A1CF: variants seen among roughly 807,000 people sequenced by gnomAD.
A1CF encodes APOBEC-1 stimulating protein.
In A1CF, 48 loss-of-function variants were observed where a neutral mutation model predicts 68.9. The ratio of observed to expected loss-of-function variants is 0.70; its 90% CI spans 0.55 to 0.89. The LOEUF (loss-of-function observed/expected upper bound fraction) is 0.89. A1CF is among the 40% of genes least tolerant of loss of function. A1CF has a pLI of 0.00. For synonymous variants in A1CF, 272 were observed against 260.4 expected (o/e 1.04, Z -0.43); for missense variants, 653 against 718.9 (o/e 0.91, Z 1.05).
At chr10:50,867,339 C>T (rs1841040984) in intron 1 of A1CF, among the ~76,000 whole-genome samples, 1 of 151,784 alleles carries the variant, frequency 6.6e-6, no homozygotes, top group Admixed American at 6.6e-5. Context: ...GAATTTTATT[C>T]AGCCATGAAA....
At chr10:50,816,922 C>T (rs1478964525) in intron 8 of A1CF, among the ~76,000 whole-genome samples, 1 of 152,092 alleles carries the variant, frequency 6.6e-6, no homozygotes, top group African/African-American at 2.4e-5. Flanking sequence ...TGTGAAGCCA[C>T]CTTTTGATCT....
At chr10:50,820,400 C>T in intron 8 of A1CF, 152 bp downstream of exon 8, 1 of 528,760 alleles carries the variant, frequency 1.9e-6, no homozygotes, top group Non-Finnish European at 3.2e-6. Context: ...TTGTATTTTC[C>T]ATCATTTCTC....
At chr10:50,826,148 A>G (rs2132382949) in intron 7 of A1CF, among the ~76,000 whole-genome samples, 1 of 152,278 alleles carries the variant, frequency 6.6e-6, no homozygotes, top group South Asian at 2.1e-4. Flanking sequence ...AGGCCCAGAG[A>G]TTAAATGTCT....
intron 1 of A1CF, among the ~76,000 whole-genome samples, chr10:50,882,166 G>A (rs184080195): frequency 7.8e-4 from 119 of 152,286 alleles, no homozygotes; most frequent in African/African-American, 2.6e-3. Flanking sequence ...GACCGGGCAT[G>A]TTGGCTCATG....
chr10:50,825,351 G>A (rs893799699), intron 7 of A1CF, among the ~76,000 whole-genome samples: 1 of 152,086 alleles, frequency 6.6e-6, no homozygotes, highest in South Asian at 2.1e-4. Context: ...TAAAGACACA[G>A]TAATCCCACA....
intron 7 of A1CF, among the ~76,000 whole-genome samples, chr10:50,826,838 A>G (rs1324754546): frequency 6.6e-6 from 1 of 152,178 alleles, no homozygotes; most frequent in Non-Finnish European, 1.5e-5. Flanking sequence ...ACAGACTGGC[A>G]AATTGGATAA....
chr10:50,822,743 T>G (rs892640965), intron 7 of A1CF: 3 of 152,210 alleles, frequency 2.0e-5, no homozygotes, highest in African/African-American at 7.2e-5. Flanking sequence ...CTTCATTCCT[T>G]TCAGTGTCAC....
chr10:50,809,786 G>C (rs1392476100), intron 12 of A1CF, 108 bp downstream of exon 12: 1 of 1,491,380 alleles, frequency 6.7e-7, no homozygotes, highest in Non-Finnish European at 9.0e-7. Flanking sequence ...GTGCAAGTCA[G>C]ATTGCTGTAA....
At position 50,856,639 on chromosome 10, in the gene A1CF, T is replaced by C. The variant is rs920693382; in HGVS notation, c.99+3203A>G. ...ATTTTGGCCAATAACAACAGAATCT[T>C]AATCTCACAAGTTATCTAAACTGTC... On this transcript the variant is annotated intron_variant, in intron 3 of 12. Coordinates refer to ENST00000373997, the MANE Select transcript of A1CF (RefSeq NM_014576.4). Among the ~76,000 whole-genome samples the C allele has an allele frequency of 2.6e-5, 4 of 152,130 alleles. No individual in the cohort carries two copies. In the South Asian group the frequency reaches 8.3e-4, roughly 31 times the overall value.
intron 6 of A1CF, among the ~76,000 whole-genome samples, chr10:50,829,072 C>T (rs1839110637): frequency 6.6e-6 from 1 of 151,988 alleles, no homozygotes; most frequent in African/African-American, 2.4e-5. Flanking sequence ...TGTACTGTAC[C>T]ATCTGTTTCC....
rs1841970364 is a variant in A1CF at position 50,885,614 on chromosome 10, G to A, written c.-127C>T. On this transcript the variant is annotated 5_prime_UTR_variant, in exon 1 of 13. Coordinates refer to ENST00000373997, the MANE Select transcript of A1CF (RefSeq NM_014576.4). The stretch of plus-strand genomic sequence containing the variant: ...TTTCAGAGATCCCCACCCGGAAAAG[G>A]TTTCCTTGATTATGGCGAATTCAAC... 6.6e-6 allele frequency: 1 copy of A among 152,194 alleles called. No homozygotes were observed. The highest frequency in any genetic ancestry group is 1.5e-5 in the Non-Finnish European group (1 of 68,034). The allele number at this position is 152,194 out of a possible 1,614,324, so 9.4% of individuals were successfully genotyped here.
chr10:50,874,355 T>G (rs1322870520), intron 1 of A1CF, among the ~76,000 whole-genome samples: 1 of 152,246 alleles, frequency 6.6e-6, no homozygotes, highest in East Asian at 1.9e-4. Flanking sequence ...TTTAGCATAT[T>G]CTCATAAAGT....
At position 50,820,585 on chromosome 10, in the gene A1CF, A is replaced by C. The variant is rs778482448; in HGVS notation, c.834T>G (p.Asp278Glu). ...TTAAAGCTTTCATAGCCTCAACTGC[A>C]TCTTCTCGGTTACTGAAGTGCACAA... ...YAFVHFSNRE[D>E]AVEAMKALNG... The change falls in exon 8 of 13, where the codon GAT becomes GAG. Residue 278 changes from aspartate to glutamate, a missense_variant. Coordinates refer to ENST00000373997, the MANE Select transcript of A1CF (RefSeq NM_014576.4). 2.5e-6 allele frequency: 4 copies of C among 1,613,496 alleles called. No individual in the cohort carries two copies. Among genetic ancestry groups the C allele is most frequent in the Non-Finnish European group, 1.7e-6 (2 of 1,179,746 alleles).
At chr10:50,808,380 C>G (rs1377193097) in intron 12 of A1CF, among the ~76,000 whole-genome samples, 1 of 152,206 alleles carries the variant, frequency 6.6e-6, no homozygotes, top group Non-Finnish European at 1.5e-5. Flanking sequence ...TGGGTAAAAG[C>G]AAATCCTTTC....
intron 7 of A1CF, among the ~76,000 whole-genome samples, chr10:50,827,308 A>G (rs1435858138): frequency 6.6e-6 from 1 of 152,180 alleles, no homozygotes; most frequent in Non-Finnish European, 1.5e-5. Context: ...AGAATTCTCC[A>G]CCCCAAATCA....
Position 50,816,271 on chromosome 10 carries a change from A to ATC in A1CF, c.874_875dup (p.Asp292GlufsTer10), listed in dbSNP as rs913866482. 7 of 1,613,250 alleles carry ATC rather than the reference A, an allele frequency of 4.3e-6. No individual in the cohort carries two copies. Among genetic ancestry groups the ATC allele is most frequent in the Admixed American group, 1.7e-5 (1 of 59,934 alleles). On this transcript the variant is annotated frameshift_variant, in exon 9 of 13. Coordinates refer to ENST00000373997, the MANE Select transcript of A1CF (RefSeq NM_014576.4). LOFTEE classifies it high-confidence loss of function. ...CTAGGGTGACTTCAATGGGGGAACC[A>ATC]TCCAGCACCTGTTGTAGAGAGCAAA... is the stretch of plus-strand genomic sequence containing the variant.
At chr10:50,834,612 G>T (rs563034977) in intron 6 of A1CF, among the ~76,000 whole-genome samples, 1 of 152,288 alleles carries the variant, frequency 6.6e-6, no homozygotes, top group Non-Finnish European at 1.5e-5. Flanking sequence ...ACAGCAAGGA[G>T]TTATGAATAT....
intron 3 of A1CF, chr10:50,850,948 T>C (rs990606907): frequency 1.2e-6 from 1 of 862,550 alleles, no homozygotes; most frequent in Non-Finnish European, 1.7e-6. Flanking sequence ...AATTAACTAT[T>C]ATTATGGCCG....
intron 1 of A1CF, among the ~76,000 whole-genome samples, chr10:50,865,733 G>T (rs185481596): frequency 9.4e-4 from 143 of 152,182 alleles, no homozygotes; most frequent in Middle Eastern, 3.4e-3. Context: ...GATCCTTCTA[G>T]ACTTGATTAA....
Sources: allele counts gnomAD v4.1 joint callset (sites outside exome capture counted in the v4.1 genomes callset), GRCh38; gene constraint gnomAD v4.1.1; transcripts MANE v1.5; gene names NCBI Gene and HGNC (gene_info 2026-07-23, HGNC 2026-07-21).